Variants in ERG observed in about 807,000 individuals in gnomAD.
The protein encoded by ERG is transcriptional regulator ERG.
In ERG, 9 loss-of-function variants were observed where a neutral mutation model predicts 55.3. The ratio of observed to expected loss-of-function variants is 0.16; its 90% CI spans 0.10 to 0.28. The LOEUF is 0.28. ERG is among the 10% of genes least tolerant of loss of function. ERG has a pLI of 1.00. For missense variants in ERG, 434 were observed against 631.6 expected, an observed-to-expected ratio of 0.69 and a Z score of 3.35; for synonymous variants, 223 against 237.3, an observed-to-expected ratio of 0.94 and a Z score of 0.55.
chr21:38,615,507 C>T (rs765673689), intron 1 of ERG, among the ~76,000 whole-genome samples: 16 of 151,892 alleles, frequency 1.1e-4, no homozygotes, highest in Non-Finnish European at 1.5e-4. Context: ...GAATCATGAG[C>T]TTTCTTCAGT....
intron 2 of ERG, among the ~76,000 whole-genome samples, chr21:38,432,809 C>T (rs1164990998): frequency 6.6e-6 from 1 of 152,228 alleles, no homozygotes; most frequent in Non-Finnish European, 1.5e-5. Flanking sequence ...ATGGTCTCGA[C>T]TCCAAGTACT....
intron 2 of ERG, among the ~76,000 whole-genome samples, chr21:38,560,948 A>G (rs2059889228): frequency 6.6e-6 from 1 of 152,222 alleles, no homozygotes; most frequent in African/African-American, 2.4e-5. Flanking sequence ...TAAGTCCTTC[A>G]GTTGATTTAT....
chr21:38,588,362 C>T (rs924505989), upstream of ERG, among the ~76,000 whole-genome samples: 1 of 152,142 alleles, frequency 6.6e-6, no homozygotes, highest in African/African-American at 2.4e-5. Flanking sequence ...GCCAGTGGGA[C>T]AAACCACATG....
chr21:38,519,504 TC>T (rs1187414121), intron 2 of ERG, among the ~76,000 whole-genome samples: 2 of 152,014 alleles, frequency 1.3e-5, no homozygotes, highest in Non-Finnish European at 2.9e-5. Flanking sequence ...AGAAAAAAAC[TC>T]CCCAAGCTCT....
chr21:38,479,611 C>T (rs1006402878), intron 1 of ERG, among the ~76,000 whole-genome samples: 1 of 152,164 alleles, frequency 6.6e-6, no homozygotes, highest in Admixed American at 6.5e-5. Context: ...GCATCTACAG[C>T]AGTCTCCCCT....
At chr21:38,615,746 T>TG (rs1440260271) in intron 1 of ERG, among the ~76,000 whole-genome samples, 1 of 151,714 alleles carries the variant, frequency 6.6e-6, no homozygotes, top group Non-Finnish European at 1.5e-5. Flanking sequence ...ATCATTTGTT[T>TG]GGGGAGGAAG....
chr21:38,517,867 T>C (rs1348029413), intron 2 of ERG, among the ~76,000 whole-genome samples: 2 of 152,030 alleles, frequency 1.3e-5, no homozygotes, highest in African/African-American at 4.8e-5. Context: ...AAAGGACAAA[T>C]ACCACATGTT....
intron 1 of ERG, among the ~76,000 whole-genome samples, chr21:38,602,747 G>A (rs2836557): frequency 6.6e-6 from 1 of 151,666 alleles, no homozygotes; most frequent in Non-Finnish European, 1.5e-5. Flanking sequence ...CTTTGAACAC[G>A]TCTCAGTGGC....
In ERG at chr21:38,391,055, G is replaced by C; in HGVS notation, c.872-13C>G. On this transcript the variant is annotated splice_polypyrimidine_tract_variant and intron_variant, in intron 8 of 9. Coordinates refer to ENST00000288319, the MANE Select transcript of ERG (RefSeq NM_182918.4). ...ATCTGATAAGGATCTACAGCAAAAA[G>C]AAACAAAGTCAAATCCTAGACATAG... 1 of 1,610,020 alleles carries C rather than the reference G, an allele frequency of 6.2e-7. No homozygotes were observed. Among genetic ancestry groups the C allele is most frequent in the Non-Finnish European group, 8.5e-7 (1 of 1,176,742 alleles).
chr21:38,468,665 T>C (rs1404620154), intron 1 of ERG, among the ~76,000 whole-genome samples: 1 of 152,124 alleles, frequency 6.6e-6, no homozygotes, highest in African/African-American at 2.4e-5. Flanking sequence ...ACCTGCCATG[T>C]CGGTGAAAAG....
chr21:38,578,437 G>A (rs1180920355), intron 1 of ERG, among the ~76,000 whole-genome samples: 1 of 152,184 alleles, frequency 6.6e-6, no homozygotes, highest in East Asian at 1.9e-4. Flanking sequence ...TCCCATTAAA[G>A]AGGTAGAATT....
intron 1 of ERG, among the ~76,000 whole-genome samples, chr21:38,659,425 G>A (rs2060538718): frequency 6.6e-6 from 1 of 152,224 alleles, no homozygotes. Flanking sequence ...GCCTGCCCCG[G>A]GAGCGGGCAC....
intron 2 of ERG, among the ~76,000 whole-genome samples, chr21:38,534,029 AC>A (rs1460982373): frequency 5.3e-5 from 8 of 152,116 alleles, no homozygotes; most frequent in Admixed American, 2.0e-4. Context: ...CTTCACTTAT[AC>A]TAAACACTTC....
At chr21:38,529,451 G>C (rs1020918033) in intron 2 of ERG, among the ~76,000 whole-genome samples, 1 of 152,068 alleles carries the variant, frequency 6.6e-6, no homozygotes, top group Admixed American at 6.5e-5. Flanking sequence ...GAGGATTAAA[G>C]AATGATGCTA....
chr21:38,457,959 CTATT>C (rs936054502), intron 1 of ERG, among the ~76,000 whole-genome samples: 3 of 152,100 alleles, frequency 2.0e-5, no homozygotes, highest in Non-Finnish European at 2.9e-5. Context: ...GCACTTGTCG[CTATT>C]TATTTGTGAA....
At chr21:38,633,962 G>A (rs2060372754) in intron 1 of ERG, among the ~76,000 whole-genome samples, 1 of 151,854 alleles carries the variant, frequency 6.6e-6, no homozygotes, top group Admixed American at 6.6e-5. Context: ...ATAAGGTTCA[G>A]ATCACAAAAT....
chr21:38,599,805 G>C (rs1350897216), intron 1 of ERG, among the ~76,000 whole-genome samples: 1 of 152,234 alleles, frequency 6.6e-6, no homozygotes, highest in Non-Finnish European at 1.5e-5. Flanking sequence ...ACAGGAAGGA[G>C]CTATCAGACT....
intron 1 of ERG, among the ~76,000 whole-genome samples, chr21:38,477,007 CTTTTTTTTTTTTT>C (rs397867221): frequency 9.5e-5 from 8 of 84,156 alleles, no homozygotes; most frequent in Non-Finnish European, 1.7e-4. Flanking sequence ...TCTTTCTTTC[CTTTTTTTTTTTTT>C]TTTTTTTTTT....
At chr21:38,627,153 G>A (rs2060329883) in intron 1 of ERG, among the ~76,000 whole-genome samples, 1 of 151,908 alleles carries the variant, frequency 6.6e-6, no homozygotes, top group African/African-American at 2.4e-5. Flanking sequence ...AAAAGTAGAT[G>A]TTGAATATTT....
Sources: allele counts gnomAD v4.1 joint callset (sites outside exome capture counted in the v4.1 genomes callset), GRCh38; gene constraint gnomAD v4.1.1; transcripts MANE v1.5; gene names NCBI Gene and HGNC (gene_info 2026-07-23, HGNC 2026-07-21).